Variants in WWOX observed in about 807,000 individuals in gnomAD.
WWOX encodes WW domain containing oxidoreductase, also known as WW domain-containing oxidoreductase.
WWOX carries 69 observed loss-of-function variants against 46.2 expected under a neutral mutation model. The ratio of observed to expected loss-of-function variants is 1.49; its 90% CI spans 1.23 to 1.82. The LOEUF is 1.82. Among genes scored for constraint, WWOX ranks in the 40% most tolerant of loss-of-function variants. The probability of loss-of-function intolerance (pLI) is 0.00; values close to 1 mark genes in which losing one functional copy is unlikely to be tolerated. For synonymous variants in WWOX, 359 were observed against 202.6 expected (o/e 1.77, Z -6.56); for missense variants, 919 against 542.6 (o/e 1.69, Z -6.89).
chr16:78,920,901 A>T (rs1236580118), intron 8 of WWOX, among the ~76,000 whole-genome samples: 1 of 152,194 alleles, frequency 6.6e-6, no homozygotes, highest in Non-Finnish European at 1.5e-5. Context: ...ATTTTTAAAA[A>T]CTGTAATTGA....
intron 8 of WWOX, among the ~76,000 whole-genome samples, chr16:79,194,352 G>T (rs1213870938): frequency 6.6e-6 from 1 of 152,072 alleles, no homozygotes; most frequent in Non-Finnish European, 1.5e-5. Context: ...CACCTACCGT[G>T]CGCCAAGCTT....
At chr16:79,002,698 G>A (rs142727390) in intron 8 of WWOX, among the ~76,000 whole-genome samples, 2 of 152,160 alleles carry the variant, frequency 1.3e-5, no homozygotes, top group African/African-American at 4.8e-5. Context: ...CAGAGGGACT[G>A]TGCCTATTCC....
intron 8 of WWOX, among the ~76,000 whole-genome samples, chr16:79,027,824 G>A (rs537533465): frequency 6.6e-6 from 1 of 151,886 alleles, no homozygotes; most frequent in Admixed American, 6.5e-5. Flanking sequence ...TGGTTGCCTA[G>A]TGTCTTCTAA....
intron 8 of WWOX, among the ~76,000 whole-genome samples, chr16:78,749,206 A>G (rs920149196): frequency 2.0e-5 from 3 of 152,176 alleles, no homozygotes; most frequent in African/African-American, 7.2e-5. Flanking sequence ...GCCATGCATC[A>G]CACACAGACT....
Position 78,099,689 on chromosome 16 carries a change from G to C in WWOX, c.-90G>C. 1 of 1,437,038 alleles carries C rather than the reference G, an allele frequency of 7.0e-7. No homozygotes were observed. Among genetic ancestry groups the C allele is most frequent in the Non-Finnish European group, 9.1e-7 (1 of 1,093,524 alleles). 89.0% of individuals were successfully genotyped at this position (1,437,038 alleles called of 1,614,324 possible). A position where few individuals can be genotyped will look rare whatever the true frequency, so the allele number is the denominator to read the frequency against. On this transcript the variant is annotated 5_prime_UTR_variant, in exon 1 of 9. Coordinates refer to ENST00000566780, the MANE Select transcript of WWOX (RefSeq NM_016373.4). Reference sequence around the variant, plus strand: ...GGCGTGAGCGGTCGGGCCCCGACGCGCGCGGGTCTCGTTTGGAGCGGGAGT... The same window carrying C: ...GGCGTGAGCGGTCGGGCCCCGACGCCCGCGGGTCTCGTTTGGAGCGGGAGT...
chr16:78,424,459 A>T lies in WWOX; in HGVS notation c.606-411A>T, dbSNP rs574612461. Among the ~76,000 whole-genome samples, 4 of 152,258 alleles carry T rather than the reference A, an allele frequency of 2.6e-5. No individual in the cohort carries two copies. In the South Asian group the frequency reaches 8.3e-4, roughly 32 times the overall value. ...TTAACAGCATAATTTTTCCTTTATT[A>T]GTCATAACTACTTTAAGGGCTATTT... On this transcript the variant is annotated intron_variant, in intron 6 of 8. Transcript: ENST00000566780.
intron 8 of WWOX, among the ~76,000 whole-genome samples, chr16:78,536,464 C>G (rs2043761917): frequency 6.6e-6 from 1 of 151,960 alleles, no homozygotes; most frequent in African/African-American, 2.4e-5. Flanking sequence ...GCCCACTGAG[C>G]TGGGTTCTCT....
chr16:78,892,832 A>G (rs11646646), intron 8 of WWOX, among the ~76,000 whole-genome samples: 54,463 of 152,018 alleles, frequency 0.36, 10,736 homozygotes, highest in Non-Finnish European at 0.44. Context: ...TGCTGATCCA[A>G]TTGGATTAAG....
intron 8 of WWOX, among the ~76,000 whole-genome samples, chr16:78,507,449 A>G (rs573768749): frequency 6.6e-6 from 1 of 152,162 alleles, no homozygotes; most frequent in Non-Finnish European, 1.5e-5. Flanking sequence ...CAGCTCTGGC[A>G]TTTCTGGGTA....
chr16:79,132,127 AACACACACACACACAC>A (rs141785224), intron 8 of WWOX, among the ~76,000 whole-genome samples: 69 of 141,586 alleles, frequency 4.9e-4, no homozygotes, highest in South Asian at 1.1e-3. Flanking sequence ...CACTTGCAGA[AACACACACACACACAC>A]ACACACACAC....
intron 8 of WWOX, among the ~76,000 whole-genome samples, chr16:78,799,736 C>T (rs2050835332): frequency 6.6e-6 from 1 of 152,124 alleles, no homozygotes; most frequent in Non-Finnish European, 1.5e-5. Flanking sequence ...AAAGAAAGTA[C>T]ACAAATGGAG....
chr16:79,181,088 A>G (rs1438059250), intron 8 of WWOX, among the ~76,000 whole-genome samples: 2 of 152,210 alleles, frequency 1.3e-5, no homozygotes, highest in Non-Finnish European at 2.9e-5. Context: ...CTCGTAATTT[A>G]TGCTCTACCT....
chr16:78,417,755 G>C (rs981546840), intron 6 of WWOX, among the ~76,000 whole-genome samples: 1 of 152,144 alleles, frequency 6.6e-6, no homozygotes, highest in East Asian at 1.9e-4. Context: ...GTGCTTCAAA[G>C]GATTTCTGCC....
intron 5 of WWOX, among the ~76,000 whole-genome samples, chr16:78,374,231 G>T (rs1400981283): frequency 6.6e-6 from 1 of 151,902 alleles, no homozygotes; most frequent in Non-Finnish European, 1.5e-5. Flanking sequence ...CTCTCTCCCT[G>T]TTAGTCTTGA....
intron 8 of WWOX, chr16:78,873,085 C>G (rs2044161870): frequency 6.6e-6 from 1 of 152,256 alleles, no homozygotes; most frequent in Non-Finnish European, 1.5e-5. Context: ...GTGTAAGTCA[C>G]CACACCCAGC....
chr16:78,964,858 G>A (rs527612131), intron 8 of WWOX, among the ~76,000 whole-genome samples: 5 of 152,222 alleles, frequency 3.3e-5, no homozygotes, highest in Admixed American at 3.3e-4. Flanking sequence ...AGCCACTCCA[G>A]TCATGGCTGA....
At chr16:79,188,387 T>C (rs2051062257) in intron 8 of WWOX, among the ~76,000 whole-genome samples, 1 of 151,188 alleles carries the variant, frequency 6.6e-6, no homozygotes, top group Non-Finnish European at 1.5e-5. Context: ...TCTCTCTTTT[T>C]TCGGTAACTG....
chr16:78,118,045 CT>C (rs34141728), intron 4 of WWOX, among the ~76,000 whole-genome samples: 280 of 138,094 alleles, frequency 2.0e-3, no homozygotes, highest in Admixed American at 2.8e-3. Context: ...TTCTTTCTTT[CT>C]TTTTTTTTTT....
chr16:78,872,024 CTCTAG>C (rs745975663), intron 8 of WWOX, among the ~76,000 whole-genome samples: 4 of 152,214 alleles, frequency 2.6e-5, no homozygotes, highest in African/African-American at 4.8e-5. Context: ...GGAGAGAAAT[CTCTAG>C]TCTAGGGCAC....
Sources: allele counts gnomAD v4.1 joint callset (sites outside exome capture counted in the v4.1 genomes callset), GRCh38; gene constraint gnomAD v4.1.1; transcripts MANE v1.5; gene names NCBI Gene and HGNC (gene_info 2026-07-23, HGNC 2026-07-21).